The following ZDHHC15 variants were observed in gnomAD, a reference collection of about 807,000 sequenced individuals.
ZDHHC15 encodes the protein palmitoyltransferase ZDHHC15.
In ZDHHC15, 19 loss-of-function variants were observed where a neutral mutation model predicts 31.7. The observed-to-expected ratio is 0.60, with a 90% CI of 0.42 to 0.88. The LOEUF is 0.88. ZDHHC15 is among the 40% of genes least tolerant of loss of function. ZDHHC15 has a pLI of 0.00. For synonymous variants in ZDHHC15, 103 were observed against 90.0 expected (o/e 1.14, Z -0.82); for missense variants, 209 against 251.2 (o/e 0.83, Z 1.14).
rs760765430 is a variant in ZDHHC15, at chrX:75,442,849, G to A, written c.379+7953C>T. The stretch of plus-strand genomic sequence containing the variant: ...AAAATACAAAAAATTAGCCGGGCAC[G>A]GTGGCGGGCGCCTGTAGTCCCAGCT... On this transcript the variant is annotated intron_variant, in intron 4 of 11. Coordinates refer to ENST00000373367, the MANE Select transcript of ZDHHC15 (RefSeq NM_144969.3). 2.1e-3 allele frequency among the ~76,000 whole-genome samples: 224 copies of A among 108,221 alleles called. 1 individual carries two copies. Among genetic ancestry groups the A allele is most frequent in the African/African-American group, 6.7e-3 (201 of 29,803 alleles). 94.0% of individuals were successfully genotyped at this position (108,221 alleles called of 115,157 possible).
intron 2 of ZDHHC15, among the ~76,000 whole-genome samples, chrX:75,489,783 G>C: frequency 9.0e-6 from 1 of 111,616 alleles, no homozygotes; most frequent in African/African-American, 3.3e-5. Context: ...TCAGACAATC[G>C]AACTACTCCG....
intron 9 of ZDHHC15, among the ~76,000 whole-genome samples, chrX:75,420,638 G>A (rs1302442264): frequency 9.0e-6 from 1 of 111,210 alleles, no homozygotes; most frequent in African/African-American, 3.3e-5. Context: ...AAAAAAATGA[G>A]TTCATGTCCT....
rs1483403767 is a variant in ZDHHC15 at position 75,464,317 on chromosome X, G to A, written c.259-13395C>T. 8.8e-4 allele frequency among the ~76,000 whole-genome samples: 98 copies of A among 111,025 alleles called. 4 individuals are homozygous for A. The highest frequency in any genetic ancestry group is 3.8e-5 in the Non-Finnish European group (2 of 53,071). On this transcript the variant is annotated intron_variant, in intron 3 of 11. Coordinates refer to ENST00000373367, the MANE Select transcript of ZDHHC15 (RefSeq NM_144969.3). ...GGGGAAGGGAGGAGGGAAAGCATTA[G>A]GAGATATACCTAATGTAAATGACGA...
intron 1 of ZDHHC15, among the ~76,000 whole-genome samples, chrX:75,519,583 G>A (rs1478711476): frequency 8.9e-6 from 1 of 112,087 alleles, no homozygotes; most frequent in Non-Finnish European, 1.9e-5. Flanking sequence ...TTTGGTTTCA[G>A]CTCTAATGTA....
intron 2 of ZDHHC15, among the ~76,000 whole-genome samples, chrX:75,495,259 A>T (rs2084973376): frequency 1.8e-5 from 2 of 111,814 alleles, no homozygotes; most frequent in Non-Finnish European, 3.8e-5. Context: ...TAGAATGGCG[A>T]TCATTAAAAA....
At chrX:75,400,261 A>C (rs1466321782) in intron 10 of ZDHHC15, among the ~76,000 whole-genome samples, 1 of 111,948 alleles carries the variant, frequency 8.9e-6, no homozygotes, top group East Asian at 2.8e-4. Flanking sequence ...TGAAGGATAA[A>C]ATAGCCAGTA....
intron 10 of ZDHHC15, among the ~76,000 whole-genome samples, chrX:75,415,119 G>T (rs978262889): frequency 2.7e-5 from 3 of 111,180 alleles, no homozygotes; most frequent in Non-Finnish European, 5.7e-5. Context: ...TTTGGGCTAG[G>T]AATAAAAATT....
At chrX:75,494,753 C>T (rs1288499124) in intron 2 of ZDHHC15, among the ~76,000 whole-genome samples, 1 of 111,921 alleles carries the variant, frequency 8.9e-6, no homozygotes, top group Admixed American at 9.5e-5. Context: ...AAACTGGATC[C>T]CTTCCTTACA....
chrX:75,397,497 C>A (rs1165396901), intron 10 of ZDHHC15, among the ~76,000 whole-genome samples: 1 of 108,957 alleles, frequency 9.2e-6, no homozygotes, highest in Non-Finnish European at 1.9e-5. Context: ...ATCTCATATA[C>A]CCCATAAATA....
At chrX:75,386,427 T>C (rs1441987582) in intron 10 of ZDHHC15, among the ~76,000 whole-genome samples, 1 of 112,273 alleles carries the variant, frequency 8.9e-6, no homozygotes, top group East Asian at 2.8e-4. Context: ...TTTATCACAT[T>C]AGCTCAAGGG....
chrX:75,520,796 A>G (rs775515442), intron 1 of ZDHHC15, among the ~76,000 whole-genome samples: 27 of 111,711 alleles, frequency 2.4e-4, no homozygotes, highest in Non-Finnish European at 4.5e-4. Context: ...AACTAATGAC[A>G]TTTATTTTAA....
At chrX:75,517,831 A>G (rs2085383244) in intron 1 of ZDHHC15, among the ~76,000 whole-genome samples, 1 of 110,971 alleles carries the variant, frequency 9.0e-6, no homozygotes, top group Non-Finnish European at 1.9e-5. Flanking sequence ...GGTGAGAGCT[A>G]AAAGTATAAA....
At chrX:75,454,413 T>C (rs187794855) in intron 3 of ZDHHC15, among the ~76,000 whole-genome samples, 1 of 112,070 alleles carries the variant, frequency 8.9e-6, no homozygotes, top group African/African-American at 3.2e-5. Flanking sequence ...TGTGTCTTTA[T>C]AGCAGCATGA....
intron 2 of ZDHHC15, among the ~76,000 whole-genome samples, chrX:75,482,771 T>C (rs189348388): frequency 5.3e-4 from 59 of 110,892 alleles, no homozygotes; most frequent in African/African-American, 1.8e-3. Context: ...TAAGCTTTAT[T>C]GATAGTCCCT....
At chrX:75,467,205 T>TA (rs1159627082) in intron 3 of ZDHHC15, among the ~76,000 whole-genome samples, 2 of 112,651 alleles carry the variant, frequency 1.8e-5, no homozygotes, top group Non-Finnish European at 3.7e-5. Flanking sequence ...TATAAGGTTT[T>TA]AAAAATTCTT....
chrX:75,420,549 C>T (rs1396312757), intron 9 of ZDHHC15, among the ~76,000 whole-genome samples: 4 of 111,442 alleles, frequency 3.6e-5, no homozygotes, highest in Non-Finnish European at 7.5e-5. Flanking sequence ...AGACTTGGAA[C>T]CAACCCAAAT....
Position 75,429,083 on chromosome X carries a change from A to G in ZDHHC15, c.598T>C (p.Trp200Arg), listed in dbSNP as rs769852902. Residue 200 changes from tryptophan (W) to arginine (R), a missense_variant, in exon 7 of 12, where the codon TGG becomes CGG. By Grantham distance (101) the Trp-to-Arg change is moderately radical. Transcript: ENST00000373367. ...TTVFSYFIKY[W>R]RGELPSVRSK... is the part of the protein sequence containing the mutation. ...TCAGGATATTTTTAACTTACTCTCC[A>G]GTATTTGATGAAATAGCTGAAGACT... 12 of 1,208,850 alleles carry G rather than the reference A, an allele frequency of 9.9e-6. No homozygotes were observed. The highest frequency in any genetic ancestry group is 1.3e-5 in the Non-Finnish European group (12 of 894,387).
chrX:75,459,313 G>A (rs1224422538), intron 3 of ZDHHC15, among the ~76,000 whole-genome samples: 2 of 111,581 alleles, frequency 1.8e-5, no homozygotes, highest in Admixed American at 1.9e-4. Flanking sequence ...TCATTCTGCA[G>A]GCTCCACTTC....
At chrX:75,389,796 G>A (rs147737925) in intron 10 of ZDHHC15, among the ~76,000 whole-genome samples, 2 of 111,463 alleles carry the variant, frequency 1.8e-5, no homozygotes, top group East Asian at 2.9e-4. Context: ...CTATGGTGAC[G>A]ATGAGCAGAG....
Sources: allele counts gnomAD v4.1 joint callset (sites outside exome capture counted in the v4.1 genomes callset), GRCh38; gene constraint gnomAD v4.1.1; transcripts MANE v1.5; gene names NCBI Gene and HGNC (gene_info 2026-07-23, HGNC 2026-07-21).